ROBO2: variants seen among roughly 807,000 people sequenced by gnomAD.
ROBO2 encodes the protein roundabout homolog 2.
In ROBO2, 53 loss-of-function variants were observed where a neutral mutation model predicts 160.8. The ratio of observed to expected loss-of-function variants is 0.33; its 90% CI spans 0.26 to 0.41. ROBO2 has a LOEUF of 0.41. Among genes scored for constraint, ROBO2 ranks in the 10% least tolerant of loss-of-function variants. The probability of loss-of-function intolerance (pLI) is 1.00; values close to 1 mark genes in which losing one functional copy is unlikely to be tolerated. For missense variants in ROBO2, 1,577 were observed against 1,722.4 expected, an observed-to-expected ratio of 0.92 and a Z score of 1.49; for synonymous variants, 664 against 611.7, an observed-to-expected ratio of 1.09 and a Z score of -1.26.
intron 2 of ROBO2, among the ~76,000 whole-genome samples, chr3:76,142,242 T>C (rs1424383347): frequency 2.6e-5 from 4 of 152,006 alleles, no homozygotes; most frequent in Admixed American, 6.6e-5. Flanking sequence ...ATTGACATTA[T>C]GGAGAACAGT....
At chr3:76,904,025 T>A (rs1388912331) in intron 2 of ROBO2, among the ~76,000 whole-genome samples, 1 of 152,148 alleles carries the variant, frequency 6.6e-6, no homozygotes, top group East Asian at 1.9e-4. Context: ...CTCTATTACC[T>A]TCACAAAAAA....
chr3:77,077,603 A>C (rs1330209266), intron 1 of ROBO2, among the ~76,000 whole-genome samples: 1 of 152,192 alleles, frequency 6.6e-6, no homozygotes, highest in East Asian at 1.9e-4. Flanking sequence ...GACTGTGGTA[A>C]AATGGAAGCT....
At chr3:77,056,554 C>CA (rs971820617) in intron 1 of ROBO2, among the ~76,000 whole-genome samples, 2 of 150,622 alleles carry the variant, frequency 1.3e-5, no homozygotes, top group African/African-American at 4.9e-5. Context: ...GTGGGCAATT[C>CA]AAAAAAATTA....
rs1004532868 is a variant in ROBO2, at chr3:76,106,895, G to T, written c.109+169293G>T. Reference sequence around the variant, plus strand: ...TCTTCCCTTGTTTGCTACCACAAGGGGTACTCTTGATGCTGTTTGAAAGCA... The same window carrying T: ...TCTTCCCTTGTTTGCTACCACAAGGTGTACTCTTGATGCTGTTTGAAAGCA... On this transcript the variant is annotated intron_variant, in intron 2 of 26. Transcript: ENST00000487694. Among the ~76,000 whole-genome samples the T allele has an allele frequency of 5.9e-5, 9 of 152,020 alleles. No homozygotes were observed. The East Asian group carries it at 1.3e-3, about 23-fold the overall frequency.
Position 76,092,572 on chromosome 3 carries a change from G to T in ROBO2, c.109+154970G>T, listed in dbSNP as rs142321292. Among the ~76,000 whole-genome samples the T allele has an allele frequency of 1.0e-3, 153 of 152,204 alleles. 1 individual carries two copies. The highest frequency in any genetic ancestry group is 3.5e-3 in the African/African-American group (145 of 41,526). The stretch of plus-strand genomic sequence containing the variant: ...CCATCTCTTCTCTACTAGGATCTGG[G>T]TCATTGTTACTCTCTGGGTACCCGC... On this transcript the variant is annotated intron_variant, in intron 2 of 26. Coordinates refer to the ROBO2 transcript ENST00000487694.
chr3:76,862,686 C>T (rs1370196968), intron 2 of ROBO2, among the ~76,000 whole-genome samples: 1 of 151,998 alleles, frequency 6.6e-6, no homozygotes, highest in Admixed American at 6.6e-5. Context: ...TGACTTGCTT[C>T]CAGGGAGAAG....
At position 77,271,091 on chromosome 3, in the gene ROBO2, G is replaced by A. The variant is rs372356731; in HGVS notation, c.388+172751G>A. Among the ~76,000 whole-genome samples the A allele has an allele frequency of 3.3e-5, 5 of 151,758 alleles. No individual in the cohort carries two copies. The South Asian group carries it at 1.0e-3, about 32-fold the overall frequency. The stretch of plus-strand genomic sequence containing the variant: ...ATTCATGAGGATTTCCACATTTTTT[G>A]TGCAAACACTATATGTTATCATTAT... On this transcript the variant is annotated intron_variant, in intron 2 of 25. Transcript: ENST00000461745.
In ROBO2 at chr3:77,007,684, A is replaced by G. The variant is rs916128655; in HGVS notation, c.110-90330A>G. 4.7e-4 allele frequency among the ~76,000 whole-genome samples: 71 copies of G among 152,210 alleles called. No individual in the cohort carries two copies. The Middle Eastern group carries it at 0.01, about 22-fold the overall frequency. On this transcript the variant is annotated intron_variant, in intron 2 of 26. Coordinates refer to the ROBO2 transcript ENST00000487694. ...TATATGACAGTTTATCCATTTCTGC[A>G]CCTGTTAATTTTAAGCTTGATTGTT...
intron 2 of ROBO2, among the ~76,000 whole-genome samples, chr3:76,283,153 A>ATATATATATATATAT (rs1559717396): frequency 5.5e-3 from 66 of 12,074 alleles, no homozygotes; most frequent in Middle Eastern, 0.12. Flanking sequence ...TATATATATA[A>ATATATATATATATAT]AACTACATAT....
intron 2 of ROBO2, among the ~76,000 whole-genome samples, chr3:77,263,775 G>A (rs2058936127): frequency 6.6e-6 from 1 of 152,110 alleles, no homozygotes; most frequent in Non-Finnish European, 1.5e-5. Context: ...CCAGTAATGG[G>A]ATTGCTGGTC....
chr3:77,085,288 AGT>A (rs2149969222), intron 1 of ROBO2, among the ~76,000 whole-genome samples: 1 of 152,278 alleles, frequency 6.6e-6, no homozygotes, highest in South Asian at 2.1e-4. Flanking sequence ...CATTGCATAA[AGT>A]GAAGGCAAAA....
chr3:75,994,005 C>T (rs1222026803), intron 2 of ROBO2, among the ~76,000 whole-genome samples: 1 of 152,140 alleles, frequency 6.6e-6, no homozygotes, highest in Non-Finnish European at 1.5e-5. Flanking sequence ...ACAGGGCCAG[C>T]TGTGGGAGTA....
intron 6 of ROBO2, among the ~76,000 whole-genome samples, chr3:77,529,310 A>G (rs910876746): frequency 6.6e-6 from 1 of 151,678 alleles, no homozygotes; most frequent in Non-Finnish European, 1.5e-5. Context: ...GATATTAAGC[A>G]TTACAGTATT....
chr3:77,296,176 A>G (rs1036126304), intron 2 of ROBO2, among the ~76,000 whole-genome samples: 1 of 151,798 alleles, frequency 6.6e-6, no homozygotes, highest in East Asian at 2.0e-4. Flanking sequence ...AGCTGAGGCT[A>G]GATCACCCCA....
chr3:76,656,995 C>T (rs1306759043), intron 2 of ROBO2, among the ~76,000 whole-genome samples: 3 of 152,148 alleles, frequency 2.0e-5, no homozygotes, highest in African/African-American at 7.2e-5. Context: ...AATTCAAATG[C>T]TAATCAAGTC....
At chr3:76,330,067 C>T (rs1219261742) in intron 2 of ROBO2, among the ~76,000 whole-genome samples, 1 of 152,046 alleles carries the variant, frequency 6.6e-6, no homozygotes, top group African/African-American at 2.4e-5. Flanking sequence ...TTTCAAAGGC[C>T]ATATTTGAAA....
At chr3:76,463,692 C>T (rs2078211566) in intron 2 of ROBO2, among the ~76,000 whole-genome samples, 1 of 152,144 alleles carries the variant, frequency 6.6e-6, no homozygotes, top group African/African-American at 2.4e-5. Flanking sequence ...AGACACACTC[C>T]TCCGCGCATC....
intron 2 of ROBO2, among the ~76,000 whole-genome samples, chr3:75,979,850 A>G (rs1374013005): frequency 3.3e-5 from 5 of 151,578 alleles, no homozygotes; most frequent in East Asian, 1.9e-4. Context: ...CTTTAATCCA[A>G]TATTTAGGAA....
chr3:77,508,157 G>A (rs2088846569), intron 5 of ROBO2, among the ~76,000 whole-genome samples: 1 of 151,430 alleles, frequency 6.6e-6, no homozygotes, highest in African/African-American at 2.4e-5. Context: ...AGAACTGCAG[G>A]GAGCTTCAAT....
Sources: gnomAD v4.1 joint callset for allele counts (sites outside exome capture counted in the v4.1 genomes callset) on GRCh38, gnomAD v4.1.1 for gene constraint, MANE v1.5 for transcripts, NCBI Gene and HGNC (gene_info 2026-07-23, HGNC 2026-07-21) for gene names.